Variants in USP38 observed in about 807,000 individuals in gnomAD.
USP38 encodes the protein ubiquitin specific peptidase 38.
In USP38, 49 loss-of-function variants were observed where a neutral mutation model predicts 94.3. The observed-to-expected ratio is 0.52, with a 90% confidence interval of 0.41 to 0.66. The LOEUF is 0.66. Ranked by LOEUF, USP38 falls within the 30% of genes least tolerant of loss-of-function variation. The pLI is 0.00. For missense variants in USP38, 1,128 were observed against 1,229.4 expected (o/e 0.92, Z 1.23); for synonymous variants, 468 against 463.6 (o/e 1.01, Z -0.12).
At chr4:143,189,156 G>T (rs1177526454) in intron 2 of USP38, among the ~76,000 whole-genome samples, 1 of 152,006 alleles carries the variant, frequency 6.6e-6, no homozygotes, top group Non-Finnish European at 1.5e-5. Context: ...GTGAAGACAT[G>T]AAGGATGTGA....
At position 143,214,860 on chromosome 4, in the gene USP38, A is replaced by G. The variant is rs751241644; in HGVS notation, c.2884A>G (p.Ser962Gly). Residue 962 changes from serine to glycine, a missense_variant, in exon 9 of 10, where the codon AGT becomes GGT. Physicochemically the swap from Ser to Gly is moderately conservative, Grantham distance 56 (BLOSUM62 0). Coordinates refer to ENST00000307017, the MANE Select transcript of USP38 (RefSeq NM_032557.6). Reference sequence around the variant, plus strand: ...TGGTTTAAGTGGTAATAACCCAACCAGTGGACTCTGGATAAATGGAGACCC... The same window carrying G: ...TGGTTTAAGTGGTAATAACCCAACCGGTGGACTCTGGATAAATGGAGACCC... ...TNGLSGNNPT[S>G]GLWINGDPPL... 6.2e-7 allele frequency: 1 copy of G among 1,613,638 alleles called. No homozygotes were observed. Among genetic ancestry groups the G allele is most frequent in the South Asian group, 1.1e-5 (1 of 91,072 alleles).
intron 3 of USP38, 127 bp downstream of exon 3, chr4:143,195,972 T>G: frequency 1.1e-6 from 1 of 940,930 alleles, no homozygotes; most frequent in Non-Finnish European, 1.5e-6. Context: ...TGAATAACAG[T>G]TTGAATAGGC....
rs901770288 is a variant in USP38 at position 143,185,249 on chromosome 4, C to G, written c.-202C>G. On this transcript the variant is annotated 5_prime_UTR_variant, in exon 1 of 10. Transcript: ENST00000307017. ...CCGCAGGTGTCGGTTCTTAGGCTCT[C>G]CAGGCTCGCTAGCTCCCGCCCCGGC... The G allele has an allele frequency of 1.6e-6, 1 of 625,416 alleles. No homozygotes were observed. The highest frequency in any genetic ancestry group is 2.7e-6 in the Non-Finnish European group (1 of 371,488). The allele number at this position is 625,416 out of a possible 1,614,324, so 38.7% of individuals were successfully genotyped here. A position where few individuals can be genotyped will look rare whatever the true frequency, so the allele number is the denominator to read the frequency against.
At chr4:143,209,917 T>C (rs1306953743) in intron 7 of USP38, among the ~76,000 whole-genome samples, 3 of 152,204 alleles carry the variant, frequency 2.0e-5, no homozygotes, top group African/African-American at 7.2e-5. Flanking sequence ...CCCATTGATC[T>C]AGAAATTTTT....
At chr4:143,190,682 G>A (rs1198845055) in intron 2 of USP38, among the ~76,000 whole-genome samples, 1 of 151,894 alleles carries the variant, frequency 6.6e-6, no homozygotes, top group Non-Finnish European at 1.5e-5. Flanking sequence ...TATTTCTTTA[G>A]GACATTTCTT....
intron 3 of USP38, among the ~76,000 whole-genome samples, chr4:143,197,208 G>A (rs1731578915): frequency 6.6e-6 from 1 of 152,196 alleles, no homozygotes; most frequent in East Asian, 1.9e-4. Flanking sequence ...TGCCTATAAT[G>A]CTCTTGTCCC....
chr4:143,195,891 A>G (rs780854966), intron 3 of USP38, 46 bp downstream of exon 3: 1 of 1,505,434 alleles, frequency 6.6e-7, no homozygotes, highest in Non-Finnish European at 8.9e-7. Context: ...GACTCATAAA[A>G]TCAATATTTT....
At chr4:143,194,894 CT>C (rs58872769) in intron 2 of USP38, among the ~76,000 whole-genome samples, 14,412 of 142,288 alleles carry the variant, frequency 0.1, 1,021 homozygotes, top group African/African-American at 0.22. Context: ...TCCTATATTA[CT>C]TTTTTTTTTT....
intron 6 of USP38, among the ~76,000 whole-genome samples, chr4:143,208,771 T>C (rs528053011): frequency 1.3e-5 from 2 of 152,094 alleles, no homozygotes; most frequent in East Asian, 1.9e-4. Flanking sequence ...AATTTTTTAA[T>C]TTTATGTATT....
At chr4:143,203,347 G>T in intron 4 of USP38, 61 bp from the exon 5 acceptor site, 1 of 1,506,084 alleles carries the variant, frequency 6.6e-7, no homozygotes, top group South Asian at 1.2e-5. Flanking sequence ...CTGTTTGTAG[G>T]CTAGAGAATG....
chr4:143,209,734 C>A, intron 7 of USP38, 77 bp downstream of exon 7: 1 of 825,842 alleles, frequency 1.2e-6, no homozygotes, highest in East Asian at 2.9e-5. Context: ...TATACCTAAC[C>A]TTTTTAACTG....
chr4:143,201,797 G>A (rs1486161189), intron 4 of USP38, among the ~76,000 whole-genome samples: 3 of 152,158 alleles, frequency 2.0e-5, no homozygotes, highest in African/African-American at 7.2e-5. Flanking sequence ...AAAAACTTTA[G>A]TATTATAATA....
At chr4:143,211,752 C>T (rs1732030278) in intron 7 of USP38, among the ~76,000 whole-genome samples, 1 of 152,116 alleles carries the variant, frequency 6.6e-6, no homozygotes, top group Non-Finnish European at 1.5e-5. Flanking sequence ...AGTTTAATCA[C>T]TAAGCAGCCT....
chr4:143,218,207 T>G (rs1280918453), intron 9 of USP38, among the ~76,000 whole-genome samples: 1 of 152,108 alleles, frequency 6.6e-6, no homozygotes, highest in Non-Finnish European at 1.5e-5. Context: ...AATATATATG[T>G]GCAGTTTAAA....
intron 1 of USP38, 122 bp from the exon 2 acceptor site, chr4:143,187,703 CA>C (rs1731268791): frequency 1.0e-6 from 1 of 1,003,156 alleles, no homozygotes; most frequent in Non-Finnish European, 1.4e-6. Context: ...GAGGGTGTAG[CA>C]TAATAATCCT....
chr4:143,202,853 A>G (rs1465240207), intron 4 of USP38, among the ~76,000 whole-genome samples: 1 of 152,148 alleles, frequency 6.6e-6, no homozygotes, highest in Non-Finnish European at 1.5e-5. Flanking sequence ...TAGTAAGAAT[A>G]GCCACTCTAA....
Position 143,185,719 on chromosome 4 carries a change from A to C in USP38, c.269A>C (p.His90Pro). ...AAGACCTTCGTGTTGGGCCTCCTTC[A>C]TCAGGGCTACCACTCTCTGGACAGG... The part of the protein sequence containing the change: ...FNKTFVLGLL[H>P]QGYHSLDRKD... Residue 90 changes from histidine (H) to proline (P), a missense_variant, in exon 1 of 10, where the codon CAT becomes CCT. Coordinates refer to ENST00000307017, the MANE Select transcript of USP38 (RefSeq NM_032557.6). The C allele has an allele frequency of 7.4e-6, 12 of 1,614,108 alleles. No individual in the cohort carries two copies. The highest frequency in any genetic ancestry group is 8.5e-6 in the Non-Finnish European group (10 of 1,180,016).
Position 143,185,876 on chromosome 4 carries a change from G to A in USP38, c.426G>A (p.Gln142=), listed in dbSNP as rs775371667. ...LRMVCERPEP[Q]LCARLSDLLT... is the part of the protein sequence containing the mutation. ...TGGTGTGTGAGAGGCCGGAGCCGCAGCTCTGTGCCCGACTGAGCGACCTTC... is the reference window on the plus strand; with the variant it reads ...TGGTGTGTGAGAGGCCGGAGCCGCAACTCTGTGCCCGACTGAGCGACCTTC... The change falls in exon 1 of 10, where the codon CAG becomes CAA. Residue 142 remains glutamine (Q), a synonymous_variant. Coordinates refer to ENST00000307017, the MANE Select transcript of USP38 (RefSeq NM_032557.6). 1.2e-6 allele frequency: 2 copies of A among 1,614,066 alleles called. No individual in the cohort carries two copies. Among genetic ancestry groups the A allele is most frequent in the Non-Finnish European group, 1.7e-6 (2 of 1,180,044 alleles).
chr4:143,187,716 C>G, intron 1 of USP38, 110 bp from the exon 2 acceptor site: 1 of 1,164,974 alleles, frequency 8.6e-7, no homozygotes, highest in Non-Finnish European at 1.2e-6. Context: ...AATAATCCTT[C>G]CTAGTTAACA....
Sources: gnomAD v4.1 joint callset for allele counts (sites outside exome capture counted in the v4.1 genomes callset) on GRCh38, gnomAD v4.1.1 for gene constraint, MANE v1.5 for transcripts, NCBI Gene and HGNC (gene_info 2026-07-23, HGNC 2026-07-21) for gene names.